Variants in MAMDC2 observed in about 807,000 individuals in gnomAD.
MAMDC2 encodes MAM domain containing 2, also known as MAM domain-containing protein 2.
In MAMDC2, 57 loss-of-function variants were observed where a neutral mutation model predicts 89.8. The observed-to-expected ratio is 0.63, with a 90% confidence interval of 0.51 to 0.79. The LOEUF is 0.79. MAMDC2 is among the 30% of genes least tolerant of loss of function. MAMDC2 has a pLI of 0.00. For synonymous variants in MAMDC2, 313 were observed against 293.4 expected (o/e 1.07, Z -0.68); for missense variants, 800 against 820.6 (o/e 0.97, Z 0.31).
intron 11 of MAMDC2, chr9:70,188,830 C>A (rs1349966564): frequency 7.6e-6 from 1 of 130,742 alleles, no homozygotes; most frequent in Non-Finnish European, 1.6e-5. Context: ...GTCTCAAACT[C>A]CTGGGCTCAA....
intron 11 of MAMDC2, 97 bp downstream of exon 11, chr9:70,170,728 T>A: frequency 8.2e-7 from 1 of 1,213,566 alleles, no homozygotes; most frequent in Non-Finnish European, 1.1e-6. Context: ...AAATTATGTC[T>A]TGTGTCTATA....
At chr9:70,044,395 G>C (rs977332057) in intron 1 of MAMDC2, among the ~76,000 whole-genome samples, 164 bp downstream of exon 1, 1 of 152,000 alleles carries the variant, frequency 6.6e-6, no homozygotes, top group Non-Finnish European at 1.5e-5. Context: ...CTGGGGTGGG[G>C]GTGGGGGTGG....
chr9:70,123,600 C>G (rs1011656363), intron 5 of MAMDC2, among the ~76,000 whole-genome samples: 6 of 152,126 alleles, frequency 3.9e-5, no homozygotes, highest in Non-Finnish European at 8.8e-5. Flanking sequence ...GAAGTCCTAA[C>G]CCCCAGGACT....
intron 10 of MAMDC2, 158 bp from the exon 11 acceptor site, chr9:70,170,321 G>C (rs377256958): frequency 1.6e-6 from 1 of 617,448 alleles, no homozygotes; most frequent in Non-Finnish European, 2.6e-6. Flanking sequence ...GCCTCTAGCT[G>C]GAAGCAGTGG....
chr9:70,122,549 G>A (rs1312184424), intron 5 of MAMDC2, among the ~76,000 whole-genome samples: 2 of 152,182 alleles, frequency 1.3e-5, no homozygotes, highest in Non-Finnish European at 2.9e-5. Flanking sequence ...GAGGAGAAAG[G>A]AGCCAGAGTA....
intron 11 of MAMDC2, among the ~76,000 whole-genome samples, chr9:70,191,930 T>C (rs1333179933): frequency 6.6e-6 from 1 of 152,136 alleles, no homozygotes; most frequent in Non-Finnish European, 1.5e-5. Flanking sequence ...GGGATCACTT[T>C]TTCATACCTC....
chr9:70,206,785 C>T (rs2118649286), intron 11 of MAMDC2, among the ~76,000 whole-genome samples: 1 of 152,232 alleles, frequency 6.6e-6, no homozygotes, highest in South Asian at 2.1e-4. Flanking sequence ...CTCTCTCTCC[C>T]CACCCCACCA....
chr9:70,131,877 T>C (rs1381524846), intron 7 of MAMDC2, among the ~76,000 whole-genome samples: 2 of 152,234 alleles, frequency 1.3e-5, no homozygotes, highest in Non-Finnish European at 2.9e-5. Context: ...GAAAATTAAA[T>C]AATACTAACT....
intron 11 of MAMDC2, among the ~76,000 whole-genome samples, chr9:70,212,883 T>A (rs1234981159): frequency 6.6e-6 from 1 of 152,168 alleles, no homozygotes; most frequent in African/African-American, 2.4e-5. Context: ...AGGAGTCACA[T>A]CTGTAGAGAT....
At chr9:70,129,865 A>G (rs577210465) in intron 6 of MAMDC2, among the ~76,000 whole-genome samples, 162 of 152,150 alleles carry the variant, frequency 1.1e-3, no homozygotes, top group Admixed American at 2.4e-3. Flanking sequence ...GAAGTTCATG[A>G]TCAAGGTGCT....
intron 5 of MAMDC2, among the ~76,000 whole-genome samples, chr9:70,123,433 T>C (rs1244815498): frequency 6.6e-6 from 1 of 152,136 alleles, no homozygotes. Flanking sequence ...AGTCTGTCAT[T>C]CCGATTCTTC....
At chr9:70,134,358 T>C (rs1006699230) in intron 7 of MAMDC2, among the ~76,000 whole-genome samples, 3 of 129,382 alleles carry the variant, frequency 2.3e-5, no homozygotes, top group Non-Finnish European at 4.7e-5. Context: ...CTTTGCCCCC[T>C]CACTCTCCCC....
intron 2 of MAMDC2, among the ~76,000 whole-genome samples, chr9:70,094,996 G>C (rs1013181999): frequency 1.3e-5 from 2 of 152,136 alleles, no homozygotes; most frequent in African/African-American, 4.8e-5. Flanking sequence ...ATGAAGTATA[G>C]AGTGAGCTAA....
chr9:70,044,277 C>T (rs1204752234), intron 1 of MAMDC2, 46 bp downstream of exon 1: 7 of 1,597,066 alleles, frequency 4.4e-6, no homozygotes, highest in African/African-American at 2.7e-5. Flanking sequence ...TCTGACGACT[C>T]GCCCCCGCTC....
chr9:70,112,532 G>C, intron 4 of MAMDC2, among the ~76,000 whole-genome samples: 1 of 152,126 alleles, frequency 6.6e-6, no homozygotes, highest in South Asian at 2.1e-4. Flanking sequence ...TTCAAGAAAG[G>C]GTTGTGGAAA....
chr9:70,208,084 CT>C (rs1413452943), intron 11 of MAMDC2, among the ~76,000 whole-genome samples: 1 of 152,098 alleles, frequency 6.6e-6, no homozygotes, highest in Non-Finnish European at 1.5e-5. Context: ...CAGCTTTGTT[CT>C]TTTGGCTTAG....
chr9:70,054,774 A>G (rs1344728743), intron 2 of MAMDC2, among the ~76,000 whole-genome samples: 1 of 152,134 alleles, frequency 6.6e-6, no homozygotes. Flanking sequence ...GTATAATTCC[A>G]AGTACCCTCC....
chr9:70,130,742 G>T (rs1260272820), intron 6 of MAMDC2, among the ~76,000 whole-genome samples: 2 of 152,028 alleles, frequency 1.3e-5, no homozygotes, highest in African/African-American at 4.8e-5. Flanking sequence ...AACTTAGAGG[G>T]TGTTTGCTCC....
intron 2 of MAMDC2, among the ~76,000 whole-genome samples, chr9:70,066,209 A>G (rs955309793): frequency 2.0e-5 from 3 of 151,962 alleles, no homozygotes; most frequent in Admixed American, 6.6e-5. Context: ...CAGACATGCG[A>G]CTCTCCAGGT....
Sources: allele counts gnomAD v4.1 joint callset (sites outside exome capture counted in the v4.1 genomes callset), GRCh38; gene constraint gnomAD v4.1.1; transcripts MANE v1.5; gene names NCBI Gene and HGNC (gene_info 2026-07-23, HGNC 2026-07-21).